TNK2: variants seen among roughly 807,000 people sequenced by gnomAD.
The protein encoded by TNK2 is activated CDC42 kinase 1.
TNK2 carries 83 observed loss-of-function variants against 101.8 expected under a neutral mutation model. The ratio of observed to expected loss-of-function variants is 0.82; its 90% CI spans 0.68 to 0.98. The LOEUF is 0.98. Among genes scored for constraint, TNK2 ranks in the 50% least tolerant of loss-of-function variants. TNK2 has a pLI of 0.00. For synonymous variants in TNK2, 804 were observed against 633.0 expected (o/e 1.27, Z -4.06); for missense variants, 1,665 against 1,483.2 (o/e 1.12, Z -2.01).
chr3:195,877,493 T>G (rs1750069160), intron 9 of TNK2, among the ~76,000 whole-genome samples: 1 of 151,990 alleles, frequency 6.6e-6, no homozygotes, highest in Non-Finnish European at 1.5e-5. Context: ...CTGGCCTGAG[T>G]CAGGAGCTGC....
chr3:195,893,264 G>A (rs572801939), intron 1 of TNK2, among the ~76,000 whole-genome samples: 5 of 151,726 alleles, frequency 3.3e-5, no homozygotes, highest in African/African-American at 9.7e-5. Context: ...CCTGGTGCCC[G>A]ACGGAAATAG....
intron 4 of TNK2, 120 bp downstream of exon 4, chr3:195,884,692 G>A: frequency 1.2e-6 from 1 of 861,236 alleles, no homozygotes; most frequent in South Asian, 1.9e-5. Context: ...CACGGACTCT[G>A]GGATGAGCCA....
chr3:195,870,393 G>T (rs922034751), intron 10 of TNK2, 188 bp from the exon 11 acceptor site: 10 of 1,455,396 alleles, frequency 6.9e-6, no homozygotes, highest in Non-Finnish European at 9.1e-6. Context: ...AGAGAAGGCA[G>T]AGAAAGGACA....
At chr3:195,890,693 C>T (rs1001042135) in intron 1 of TNK2, among the ~76,000 whole-genome samples, 1 of 152,130 alleles carries the variant, frequency 6.6e-6, no homozygotes, top group African/African-American at 2.4e-5. Context: ...CCTGCCCTGG[C>T]CTCCCAAAGT....
intron 15 of TNK2, among the ~76,000 whole-genome samples, chr3:195,866,349 C>T (rs1025368818): frequency 3.3e-5 from 5 of 152,082 alleles, no homozygotes; most frequent in African/African-American, 1.2e-4. Flanking sequence ...TACAGGTGCC[C>T]ACCACCATAC....
At position 195,879,079 on chromosome 3, in the gene TNK2, C is replaced by T. The variant is rs1238353030; in HGVS notation, c.984G>A (p.Gln328=). The T allele has an allele frequency of 1.9e-6, 3 of 1,613,832 alleles. No individual in the cohort carries two copies. The highest frequency in any genetic ancestry group is 2.5e-6 in the Non-Finnish European group (3 of 1,179,994). The change falls in exon 7 of 16, where the codon CAG becomes CAA. Residue 328 remains glutamine (Q), a synonymous_variant. Transcript: ENST00000672887. ...TGCCGTTGAGGCCGATCCAGGGCTC[C>T]TGGCCGTAGGTGAACATTTCCCACA... ...VTLWEMFTYG[Q]EPWIGLNGSQ...
intron 6 of TNK2, 97 bp from the exon 7 acceptor site, chr3:195,879,272 A>AC: frequency 6.5e-7 from 1 of 1,535,740 alleles, no homozygotes; most frequent in Non-Finnish European, 8.8e-7. Flanking sequence ...ACTTGTTGTG[A>AC]CCCCCTGTGC....
At chr3:195,870,091 C>T (rs1338792096) in intron 11 of TNK2, 23 bp downstream of exon 11, 5 of 1,447,984 alleles carry the variant, frequency 3.5e-6, no homozygotes, top group Non-Finnish European at 4.6e-6. Context: ...GTTAGGGACA[C>T]CAGGGAGCAG....
chr3:195,885,807 T>C lies in TNK2; in HGVS notation c.235-774A>G. Reference sequence around the variant, plus strand: ...CACGTCGGTCTGACTCGGCCTCCACTGAGGCACCCACAGCCTTGGCTCCAG... The same window carrying C: ...CACGTCGGTCTGACTCGGCCTCCACCGAGGCACCCACAGCCTTGGCTCCAG... On this transcript the variant is annotated intron_variant, in intron 3 of 15. Transcript: ENST00000672887. The surrounding 1 kb of genome is among the most constrained non-coding windows in gnomAD (Gnocchi z 4.7). 1 of 340,996 alleles carries C rather than the reference T, an allele frequency of 2.9e-6. No homozygotes were observed. Among genetic ancestry groups the C allele is most frequent in the Admixed American group, 3.9e-5 (1 of 25,584 alleles). 21.1% of individuals were successfully genotyped at this position (340,996 alleles called of 1,614,324 possible).
intron 1 of TNK2, among the ~76,000 whole-genome samples, chr3:195,900,471 G>A (rs1761088073): frequency 6.6e-6 from 1 of 152,212 alleles, no homozygotes; most frequent in Admixed American, 6.5e-5. Flanking sequence ...GTGGAGACAA[G>A]AGCATCCATC....
At position 195,874,587 on chromosome 3, in the gene TNK2, G is replaced by A. The variant is rs553098907; in HGVS notation, c.1257-2117C>T. 8.7e-4 allele frequency among the ~76,000 whole-genome samples: 98 copies of A among 112,382 alleles called. 1 individual carries two copies. Among genetic ancestry groups the A allele is most frequent in the Non-Finnish European group, 1.5e-3 (84 of 54,582 alleles). 73.7% of individuals were successfully genotyped at this position (112,382 alleles called of 152,430 possible). A position where few individuals can be genotyped will look rare whatever the true frequency, so the allele number is the denominator to read the frequency against. On this transcript the variant is annotated intron_variant, in intron 9 of 15. Coordinates refer to ENST00000672887, the MANE Select transcript of TNK2 (RefSeq NM_001382273.1). ...TCCGAGGCACAAGAAGCTCCCCCTC[G>A]GGATGGCGCCCACGCACACTCCGAG...
rs762604906 is a variant in TNK2, at chr3:195,882,504, C to T, written c.610-176G>A. Reference sequence around the variant, plus strand: ...CCTGCAGTTTCTCAGGCCTCTCCCTCGAGGCAATTTGGGAAACTGATGCCT... The same window carrying T: ...CCTGCAGTTTCTCAGGCCTCTCCCTTGAGGCAATTTGGGAAACTGATGCCT... On this transcript the variant is annotated intron_variant, in intron 5 of 15. Coordinates refer to ENST00000672887, the MANE Select transcript of TNK2 (RefSeq NM_001382273.1). This position sits in a 1 kb window ranked among gnomAD's most constrained non-coding sequence, Gnocchi z 4.2. 3.5e-5 allele frequency: 54 copies of T among 1,537,936 alleles called. No individual in the cohort carries two copies. The East Asian group carries it at 4.4e-4, about 13-fold the overall frequency.
intron 11 of TNK2, 109 bp from the exon 12 acceptor site, chr3:195,869,650 A>T: frequency 8.8e-7 from 1 of 1,140,186 alleles, no homozygotes; most frequent in Middle Eastern, 2.0e-4. Flanking sequence ...AAGGGAGAGA[A>T]GTGAATGGGG....
At position 195,869,367 on chromosome 3, in the gene TNK2, C is replaced by G. The variant is rs1009672963; in HGVS notation, c.1588+130G>C. ...CAGGCATGCTAGGCCAGGGCAGCCG[C>G]GGAAGCTCACAGCACACACCCACCC... On this transcript the variant is annotated intron_variant, in intron 12 of 15. Transcript: ENST00000672887. 3.7e-5 allele frequency: 37 copies of G among 1,000,276 alleles called. No individual in the cohort carries two copies. The African/African-American group carries it at 4.9e-4, about 13-fold the overall frequency. The allele number at this position is 1,000,276 out of a possible 1,614,324, so 62.0% of individuals were successfully genotyped here.
At position 195,867,811 on chromosome 3, in the gene TNK2, G is replaced by C. The variant is rs774224608; in HGVS notation, c.2487C>G (p.Thr829=). 1.3e-6 allele frequency: 2 copies of C among 1,554,272 alleles called. No homozygotes were observed. Among genetic ancestry groups the C allele is most frequent in the African/African-American group, 1.4e-5 (1 of 72,456 alleles). Residue 829 remains threonine, a synonymous_variant, in exon 13 of 16, where the codon ACC becomes ACG. Coordinates refer to ENST00000672887, the MANE Select transcript of TNK2 (RefSeq NM_001382273.1). ...AGGCAAAGCTCTGGGTGGTGGGCATGGTCTTCCCAGGTGAGCTTGAGAGCC... is the reference window on the plus strand; with the variant it reads ...AGGCAAAGCTCTGGGTGGTGGGCATCGTCTTCCCAGGTGAGCTTGAGAGCC... ...PPRLSSSPGK[T]MPTTQSFASD... is the part of the protein sequence containing the mutation.
chr3:195,887,914 ATG>A (rs1756697728), intron 2 of TNK2, among the ~76,000 whole-genome samples: 3 of 131,666 alleles, frequency 2.3e-5, no homozygotes, highest in African/African-American at 7.2e-5. Flanking sequence ...GTGCACGTGC[ATG>A]CGTGCGTGCA....
At chr3:195,893,343 A>AC (rs1481859849) in intron 1 of TNK2, among the ~76,000 whole-genome samples, 1 of 150,886 alleles carries the variant, frequency 6.6e-6, no homozygotes, top group Non-Finnish European at 1.5e-5. Flanking sequence ...GAGGATCCTC[A>AC]CCCCCTCCCC....
rs1750486103 is a variant in TNK2, at chr3:195,878,160, G to A, written c.1256+93C>T. On this transcript the variant is annotated intron_variant, in intron 9 of 15. Coordinates refer to ENST00000672887, the MANE Select transcript of TNK2 (RefSeq NM_001382273.1). This position sits in a 1 kb window ranked among gnomAD's most constrained non-coding sequence, Gnocchi z 4.7. Reference sequence around the variant, plus strand: ...ACCGCCAGCCTGTATGTGGCCAAGGGAATCTTGGAGGCCAAACAGATCTGT... The same window carrying A: ...ACCGCCAGCCTGTATGTGGCCAAGGAAATCTTGGAGGCCAAACAGATCTGT... 1.5e-6 allele frequency: 2 copies of A among 1,357,096 alleles called. No individual in the cohort carries two copies. The highest frequency in any genetic ancestry group is 1.7e-5 in the Admixed American group (1 of 59,264). 84.1% of individuals were successfully genotyped at this position (1,357,096 alleles called of 1,614,324 possible). A position where few individuals can be genotyped will look rare whatever the true frequency, so the allele number is the denominator to read the frequency against.
At chr3:195,869,252 C>T (rs1743104797) in intron 12 of TNK2, 2 of 594,296 alleles carry the variant, frequency 3.4e-6, no homozygotes, top group Non-Finnish European at 6.0e-6. Context: ...GAAGCTCAGA[C>T]AGGTCTGGGA....
Sources: gnomAD v4.1 joint callset for allele counts (sites outside exome capture counted in the v4.1 genomes callset) on GRCh38, gnomAD v4.1.1 for gene constraint, Gnocchi (gnomAD v3.1) non-coding constraint, MANE v1.5 for transcripts, NCBI Gene and HGNC (gene_info 2026-07-23, HGNC 2026-07-21) for gene names.